The following PARD3 variants were observed in gnomAD, a reference collection of about 807,000 sequenced individuals.
The protein encoded by PARD3 is partitioning defective 3 homolog.
PARD3 carries 75 observed loss-of-function variants against 155.4 expected under a neutral mutation model. The ratio of observed to expected loss-of-function variants is 0.48; its 90% confidence interval spans 0.40 to 0.58. The LOEUF is 0.58. Ranked by LOEUF, PARD3 falls within the 20% of genes least tolerant of loss-of-function variation. The pLI is 0.00. For synonymous variants in PARD3, 576 were observed against 610.5 expected, an observed-to-expected ratio of 0.94 and a Z score of 0.83; for missense variants, 1,642 against 1,721.7, an observed-to-expected ratio of 0.95 and a Z score of 0.82.
chr10:34,346,007 TC>T lies in PARD3; in HGVS notation c.2218+1957del, dbSNP rs543764319. On this transcript the variant is annotated intron_variant, in intron 15 of 24. Coordinates refer to ENST00000374788, the MANE Select transcript of PARD3 (RefSeq NM_001184785.2). Reference sequence around the variant, plus strand: ...AAATTATCTTAAGAAAATATCCAAATCATAAAAACATCAATTTAGCCTACCC... The same window carrying T: ...AAATTATCTTAAGAAAATATCCAAATATAAAAACATCAATTTAGCCTACCC... 429 of 985,300 alleles carry T rather than the reference TC, an allele frequency of 4.4e-4. 6 individuals carry two copies. The Admixed American group carries it at 0.02, about 45-fold the overall frequency. The allele number at this position is 985,300 out of a possible 1,614,324, so 61.0% of individuals were successfully genotyped here.
At chr10:34,555,177 G>A (rs1231914920) in intron 2 of PARD3, among the ~76,000 whole-genome samples, 2 of 152,182 alleles carry the variant, frequency 1.3e-5, no homozygotes, top group Non-Finnish European at 2.9e-5. Flanking sequence ...ACTGTGGTGG[G>A]GGATGTTGTT....
intron 2 of PARD3, among the ~76,000 whole-genome samples, chr10:34,671,148 A>G (rs997996174): frequency 1.3e-5 from 2 of 152,226 alleles, no homozygotes; most frequent in African/African-American, 4.8e-5. Context: ...GCTGCAACAC[A>G]CAGCATAAGA....
chr10:34,429,609 G>A (rs564176594), intron 5 of PARD3, among the ~76,000 whole-genome samples: 2 of 149,634 alleles, frequency 1.3e-5, no homozygotes, highest in East Asian at 3.9e-4. Flanking sequence ...GTTTTAAAAC[G>A]GAGTCTTGCA....
chr10:34,112,151 T>G (rs1412574713), intron 24 of PARD3, among the ~76,000 whole-genome samples: 2 of 152,224 alleles, frequency 1.3e-5, no homozygotes, highest in Non-Finnish European at 2.9e-5. Context: ...TTTCAAGTTG[T>G]GTATGTCAGC....
At chr10:34,347,635 C>A (rs999159296) in intron 15 of PARD3, among the ~76,000 whole-genome samples, 3 of 152,196 alleles carry the variant, frequency 2.0e-5, no homozygotes, top group African/African-American at 7.2e-5. Flanking sequence ...ATTTTGATTT[C>A]TTTTTAAACA....
chr10:34,377,940 G>A lies in PARD3; in HGVS notation c.1539+27C>T, dbSNP rs755438695. 4.0e-6 allele frequency: 6 copies of A among 1,489,418 alleles called. No individual in the cohort carries two copies. The Admixed American group carries it at 1.6e-4, about 41-fold the overall frequency. The allele number at this position is 1,489,418 out of a possible 1,614,324, so 92.3% of individuals were successfully genotyped here. A position where few individuals can be genotyped will look rare whatever the true frequency, so the allele number is the denominator to read the frequency against. ...GAAATGGAACATTTCAAGAATCAGG[G>A]AACATCCTGCTGGGGAAGTCACTTA... is the stretch of plus-strand genomic sequence containing the variant. On this transcript the variant is annotated intron_variant, in intron 10 of 24. Coordinates refer to ENST00000374788, the MANE Select transcript of PARD3 (RefSeq NM_001184785.2).
At chr10:34,636,425 T>G (rs2092477398) in intron 2 of PARD3, among the ~76,000 whole-genome samples, 1 of 152,212 alleles carries the variant, frequency 6.6e-6, no homozygotes, top group Non-Finnish European at 1.5e-5. Context: ...GTTAATTCAC[T>G]GGGTGCCCCC....
At chr10:34,407,064 A>G (rs1844554679) in intron 5 of PARD3, among the ~76,000 whole-genome samples, 1 of 152,174 alleles carries the variant, frequency 6.6e-6, no homozygotes, top group African/African-American at 2.4e-5. Flanking sequence ...CAACATAAAT[A>G]TATTATTTAG....
At position 34,634,958 on chromosome 10, in the gene PARD3, C is replaced by T. The variant is rs1319741468; in HGVS notation, c.222+61360G>A. Among the ~76,000 whole-genome samples, 9 of 152,322 alleles carry T rather than the reference C, an allele frequency of 5.9e-5. No homozygotes were observed. In the East Asian group the frequency reaches 1.7e-3, roughly 29 times the overall value. ...AGCAGGAGTCCAGGGCACAGTGGTG[C>T]TTCATGTCTAGCGTCCACCTGAAGA... is the stretch of plus-strand genomic sequence containing the variant. On this transcript the variant is annotated intron_variant, in intron 2 of 24. Coordinates refer to ENST00000374788, the MANE Select transcript of PARD3 (RefSeq NM_001184785.2).
chr10:34,283,151 T>C lies in PARD3; in HGVS notation c.3176+984A>G, dbSNP rs937981252. Among the ~76,000 whole-genome samples, 4 of 152,150 alleles carry C rather than the reference T, an allele frequency of 2.6e-5. No individual in the cohort carries two copies. The East Asian group carries it at 7.7e-4, about 29-fold the overall frequency. On this transcript the variant is annotated intron_variant, in intron 21 of 24. Transcript: ENST00000374788. The stretch of plus-strand genomic sequence containing the variant: ...TTGTAGGATACTATTTTTAGTTATT[T>C]CATTCATTAAGTATTAGAGTAAAAG...
intron 22 of PARD3, among the ~76,000 whole-genome samples, chr10:34,222,574 G>C (rs1324905869): frequency 2.0e-5 from 3 of 152,236 alleles, no homozygotes; most frequent in African/African-American, 7.2e-5. Context: ...GAGAGAGAGA[G>C]ATCCATCTGG....
intron 1 of PARD3, among the ~76,000 whole-genome samples, chr10:34,780,319 G>A (rs1369732139): frequency 6.6e-6 from 1 of 152,228 alleles, no homozygotes; most frequent in Non-Finnish European, 1.5e-5. Flanking sequence ...GTTTACGGCA[G>A]ATGTCTTGGA....
chr10:34,529,816 C>A (rs538930037), intron 2 of PARD3, among the ~76,000 whole-genome samples: 1 of 152,192 alleles, frequency 6.6e-6, no homozygotes, highest in Non-Finnish European at 1.5e-5. Flanking sequence ...TCACTGCAAC[C>A]TCCACCTCCC....
intron 2 of PARD3, among the ~76,000 whole-genome samples, chr10:34,621,217 T>A (rs1227337772): frequency 6.6e-6 from 1 of 152,042 alleles, no homozygotes; most frequent in East Asian, 1.9e-4. Flanking sequence ...GTTTTTTTTG[T>A]TGTTGTTTTG....
chr10:34,690,840 G>A (rs778432935), intron 2 of PARD3, among the ~76,000 whole-genome samples: 6 of 152,314 alleles, frequency 3.9e-5, no homozygotes, highest in East Asian at 3.9e-4. Flanking sequence ...AGGGAAAAGC[G>A]TACAGGTGAG....
chr10:34,447,523 C>T (rs757282880), intron 5 of PARD3, among the ~76,000 whole-genome samples: 13 of 112,396 alleles, frequency 1.2e-4, no homozygotes, highest in Non-Finnish European at 2.3e-4. Context: ...AAAAAAAGGG[C>T]CAGTTGCTGT....
At chr10:34,772,895 C>T (rs1839076631) in intron 1 of PARD3, among the ~76,000 whole-genome samples, 1 of 150,460 alleles carries the variant, frequency 6.6e-6, no homozygotes, top group South Asian at 2.1e-4. Flanking sequence ...AAATACAGAA[C>T]ACTCAGCAGA....
intron 1 of PARD3, among the ~76,000 whole-genome samples, chr10:34,770,998 G>C (rs1042212372): frequency 3.3e-5 from 5 of 152,070 alleles, no homozygotes; most frequent in African/African-American, 1.2e-4. Flanking sequence ...GTTCTGCAAC[G>C]GAGATGCAGA....
intron 2 of PARD3, among the ~76,000 whole-genome samples, chr10:34,617,158 G>T (rs2091312474): frequency 6.6e-6 from 1 of 151,934 alleles, no homozygotes; most frequent in Non-Finnish European, 1.5e-5. Flanking sequence ...AGGAGGCTGA[G>T]GGAGGAGAAT....
Sources: gnomAD v4.1 joint callset for allele counts (sites outside exome capture counted in the v4.1 genomes callset) on GRCh38, gnomAD v4.1.1 for gene constraint, MANE v1.5 for transcripts, NCBI Gene and HGNC (gene_info 2026-07-23, HGNC 2026-07-21) for gene names.